Variants in PAK4 observed in about 807,000 individuals in gnomAD.
PAK4 encodes p21 (RAC1) activated kinase 4.
A neutral mutation model predicts 53.5 loss-of-function variants in PAK4; 49 were observed. That is an observed-to-expected ratio of 0.92 (90% CI 0.73 to 1.16). PAK4 has a LOEUF of 1.16. Ranked by LOEUF, PAK4 falls within the 50% of genes most tolerant of loss-of-function variation. PAK4 has a pLI of 0.00. For synonymous variants in PAK4, 376 were observed against 375.6 expected (o/e 1.00, Z -0.01); for missense variants, 824 against 850.7 (o/e 0.97, Z 0.39).
intron 1 of PAK4, among the ~76,000 whole-genome samples, chr19:39,159,811 A>G (rs956524751): frequency 1.3e-5 from 2 of 152,202 alleles, no homozygotes; most frequent in East Asian, 1.9e-4. Flanking sequence ...GGACGGCGCT[A>G]TACCTGGAGG....
intron 1 of PAK4, among the ~76,000 whole-genome samples, chr19:39,144,405 C>G (rs1256112434): frequency 6.6e-6 from 1 of 152,220 alleles, no homozygotes; most frequent in Non-Finnish European, 1.5e-5. Context: ...TCACTGCTGT[C>G]CTGTCTCCAG....
intron 1 of PAK4, among the ~76,000 whole-genome samples, chr19:39,130,867 T>G (rs2073696289): frequency 7.1e-6 from 1 of 141,494 alleles, no homozygotes; most frequent in South Asian, 2.4e-4. Context: ...CTCAGGCTGC[T>G]GTGTGGGGGA....
intron 1 of PAK4, among the ~76,000 whole-genome samples, chr19:39,146,261 A>G (rs890815278): frequency 5.3e-5 from 8 of 152,174 alleles, no homozygotes; most frequent in South Asian, 2.1e-4. Context: ...TGGAAAGCAC[A>G]GGCCAGAGTG....
chr19:39,150,135 A>G (rs1412325570), intron 1 of PAK4, among the ~76,000 whole-genome samples: 2 of 152,100 alleles, frequency 1.3e-5, no homozygotes, highest in Non-Finnish European at 2.9e-5. Flanking sequence ...CCAGCTAGGT[A>G]TGTTGGTGTA....
At chr19:39,136,942 G>A (rs965844177) in intron 1 of PAK4, among the ~76,000 whole-genome samples, 3 of 152,182 alleles carry the variant, frequency 2.0e-5, no homozygotes, top group Admixed American at 6.5e-5. Flanking sequence ...GTCTCCCGGC[G>A]GGGGAGTGCA....
chr19:39,147,160 C>T (rs1368747997), intron 1 of PAK4, among the ~76,000 whole-genome samples: 3 of 143,384 alleles, frequency 2.1e-5, no homozygotes, highest in Non-Finnish European at 3.1e-5. Context: ...CATAGCTACA[C>T]CCTTCCCCTG....
chr19:39,137,367 A>G lies in PAK4; in HGVS notation c.-23+11448A>G, dbSNP rs191008951. On this transcript the variant is annotated intron_variant, in intron 1 of 8. Transcript: ENST00000358301. ...ATCCGGGAAGCTCTTCAGGGTGATG[A>G]ATAGGAAAGACGAATGGAGGGTTTG... Among the ~76,000 whole-genome samples the G allele has an allele frequency of 1.5e-3, 221 of 152,044 alleles. 1 individual carries two copies. Among genetic ancestry groups the G allele is most frequent in the African/African-American group, 5.1e-3 (210 of 41,458 alleles).
intron 1 of PAK4, among the ~76,000 whole-genome samples, chr19:39,134,354 C>A (rs1600306385): frequency 6.6e-6 from 1 of 152,256 alleles, no homozygotes; most frequent in African/African-American, 2.4e-5. Context: ...TAACCCCTGT[C>A]CATCACGACC....
Position 39,148,757 on chromosome 19 carries a change from CT to C in PAK4, c.-22-20764del, listed in dbSNP as rs1043067506. Among the ~76,000 whole-genome samples, 1,092 of 144,986 alleles carry C rather than the reference CT, an allele frequency of 7.5e-3. 19 individuals are homozygous for C. The highest frequency in any genetic ancestry group is 0.024 in the African/African-American group (947 of 39,834). The stretch of plus-strand genomic sequence containing the variant: ...GGCGTGAGCCACCACACCCTGCCTG[CT>C]TTTTTTTTTTCCATAAAAGTTTGAT... On this transcript the variant is annotated intron_variant, in intron 1 of 8. Coordinates refer to ENST00000358301, the Ensembl canonical transcript of PAK4.
intron 1 of PAK4, among the ~76,000 whole-genome samples, chr19:39,145,858 T>C (rs2073990937): frequency 7.2e-6 from 1 of 138,598 alleles, no homozygotes; most frequent in Non-Finnish European, 1.6e-5. Context: ...GGAGAGGCCC[T>C]CTGGCGGGGA....
At chr19:39,157,831 C>T (rs2074211382) in intron 1 of PAK4, among the ~76,000 whole-genome samples, 1 of 152,192 alleles carries the variant, frequency 6.6e-6, no homozygotes, top group Non-Finnish European at 1.5e-5. Flanking sequence ...GAAGAATGGC[C>T]CGGGAGCTTT....
At chr19:39,181,050 G>T (rs2074695317), downstream of PAK4, 1 of 152,178 alleles carries the variant, frequency 6.6e-6, no homozygotes, top group African/African-American at 2.4e-5. Flanking sequence ...GCTGGTTTTG[G>T]TGCCTTCAGT....
At chr19:39,165,346 C>A (rs866721634) in intron 1 of PAK4, among the ~76,000 whole-genome samples, 356 of 92,216 alleles carry the variant, frequency 3.9e-3, no homozygotes, top group Non-Finnish European at 4.4e-3. Flanking sequence ...ACTAAAAATA[C>A]AAAAAAAAAA....
intron 1 of PAK4, among the ~76,000 whole-genome samples, chr19:39,146,904 A>G (rs1369354767): frequency 3.3e-5 from 5 of 151,732 alleles, no homozygotes; most frequent in African/African-American, 1.2e-4. Context: ...GGGGGAAGGA[A>G]GGAAGGAGAG....
chr19:39,167,061 C>G (rs1008675325), intron 1 of PAK4, among the ~76,000 whole-genome samples: 37 of 152,220 alleles, frequency 2.4e-4, no homozygotes, highest in Middle Eastern at 3.2e-3. Flanking sequence ...CCCATGCTGC[C>G]AGCTGGGCCA....
intron 1 of PAK4, among the ~76,000 whole-genome samples, chr19:39,143,745 T>C (rs948266908): frequency 6.6e-6 from 1 of 152,040 alleles, no homozygotes; most frequent in Non-Finnish European, 1.5e-5. Context: ...GAGACCAGCC[T>C]GGGCTATAGT....
intron 1 of PAK4, among the ~76,000 whole-genome samples, chr19:39,154,927 G>C (rs2074152152): frequency 6.6e-6 from 1 of 151,168 alleles, no homozygotes; most frequent in African/African-American, 2.4e-5. Context: ...CACTGTGACA[G>C]GGGGTGGACA....
At chr19:39,174,713 C>T (rs886825830) in intron 4 of PAK4, among the ~76,000 whole-genome samples, 1 of 152,138 alleles carries the variant, frequency 6.6e-6, no homozygotes, top group Admixed American at 6.5e-5. Context: ...CTGAGATGGG[C>T]GTGTGCCCAG....
intron 1 of PAK4, among the ~76,000 whole-genome samples, chr19:39,163,486 C>T (rs1431644216): frequency 6.6e-6 from 1 of 151,720 alleles, no homozygotes; most frequent in African/African-American, 2.4e-5. Flanking sequence ...CCATTTGGGC[C>T]AGTTAACCTT....
Sources: gnomAD v4.1 joint callset for allele counts (sites outside exome capture counted in the v4.1 genomes callset) on GRCh38, gnomAD v4.1.1 for gene constraint, MANE v1.5 for transcripts, NCBI Gene and HGNC (gene_info 2026-07-23, HGNC 2026-07-21) for gene names.